The following VPS13B variants were observed in gnomAD, a reference collection of about 807,000 sequenced individuals.
VPS13B encodes vacuolar protein sorting 13 homolog B, also known as intermembrane lipid transfer protein VPS13B.
A neutral mutation model predicts 426.4 loss-of-function variants in VPS13B; 285 were observed. The observed-to-expected ratio is 0.67, with a 90% confidence interval of 0.61 to 0.74. VPS13B has a LOEUF of 0.74. VPS13B is among the 30% of genes least tolerant of loss of function. The pLI is 0.00. For synonymous variants in VPS13B, 1,676 were observed against 1,676.4 expected, an observed-to-expected ratio of 1.00 and a Z score of 0.01; for missense variants, 4,537 against 4,782.6, an observed-to-expected ratio of 0.95 and a Z score of 1.51.
intron 22 of VPS13B, among the ~76,000 whole-genome samples, chr8:99,438,295 C>T (rs1363198658): frequency 2.6e-5 from 4 of 152,118 alleles, no homozygotes; most frequent in African/African-American, 4.8e-5. Context: ...TAGAGCATGA[C>T]TAGTGATGAA....
rs773877336 is a variant in VPS13B at position 99,511,153 on chromosome 8, C to G, written c.4274C>G (p.Ser1425Cys). 1 of 1,613,850 alleles carries G rather than the reference C, an allele frequency of 6.2e-7. No individual in the cohort carries two copies. Among genetic ancestry groups the G allele is most frequent in the East Asian group, 2.2e-5 (1 of 44,854 alleles). ...DGTHQQHGFL[S>C]LTYTKAVTKN... ...ACTCATCAGCAGCATGGATTCCTCT[C>G]TCTGACATACACAAAAGCTGTAACA... Residue 1425 changes from serine to cysteine, a missense_variant, in exon 29 of 62, where the codon TCT becomes TGT. Physicochemically the swap from Ser to Cys is moderately radical, Grantham distance 112 (BLOSUM62 -1). Around this residue, in one of 2 missense-constraint regions of VPS13B, gnomAD observed 4,311 missense variants for 4,474.3 expected, o/e 0.96. Coordinates refer to ENST00000357162, the MANE Select transcript of VPS13B (RefSeq NM_152564.5).
rs527978703 is a variant in VPS13B at position 99,539,311 on chromosome 8, T to A, written c.4746-17139T>A. Among the ~76,000 whole-genome samples the A allele has an allele frequency of 2.0e-5, 3 of 152,338 alleles. No homozygotes were observed. In the South Asian group the frequency reaches 6.2e-4, roughly 32 times the overall value. On this transcript the variant is annotated intron_variant, in intron 30 of 61. Coordinates refer to ENST00000357162, the MANE Select transcript of VPS13B (RefSeq NM_152564.5). Reference sequence around the variant, plus strand: ...AATATAGATATACAACATGTATAATTCAAAAACATTAATATTTAATAAGAA... The same window carrying A: ...AATATAGATATACAACATGTATAATACAAAAACATTAATATTTAATAAGAA...
chr8:99,232,974 T>C, intron 17 of VPS13B: 1 of 701,412 alleles, frequency 1.4e-6, no homozygotes. Context: ...TCTGGCTGGC[T>C]GTGTTTGGTC....
chr8:99,420,160 T>C (rs1274856542), intron 21 of VPS13B, among the ~76,000 whole-genome samples: 1 of 152,184 alleles, frequency 6.6e-6, no homozygotes, highest in East Asian at 1.9e-4. Context: ...AAGAAGTGCT[T>C]ACTATGAAAA....
At chr8:99,802,267 G>C (rs1030029314) in intron 43 of VPS13B, among the ~76,000 whole-genome samples, 2 of 152,028 alleles carry the variant, frequency 1.3e-5, no homozygotes, top group African/African-American at 4.8e-5. Flanking sequence ...GCCAGACTCT[G>C]TGCTAGGAAT....
chr8:99,192,361 T>C (rs1008235436), intron 16 of VPS13B, among the ~76,000 whole-genome samples: 4 of 152,218 alleles, frequency 2.6e-5, no homozygotes, highest in African/African-American at 9.6e-5. Flanking sequence ...TCAGGTTGCC[T>C]GGATTTAAAT....
intron 17 of VPS13B, among the ~76,000 whole-genome samples, chr8:99,243,170 A>G (rs1425138545): frequency 6.6e-6 from 1 of 152,238 alleles, no homozygotes; most frequent in Non-Finnish European, 1.5e-5. Context: ...CTGACAAAAT[A>G]TACAATTACT....
At chr8:99,230,316 TGTA>T (rs1285321737) in intron 17 of VPS13B, among the ~76,000 whole-genome samples, 1 of 152,212 alleles carries the variant, frequency 6.6e-6, no homozygotes, top group African/African-American at 2.4e-5. Flanking sequence ...GGCTCTCTGT[TGTA>T]GTACAGGACA....
rs746341336 is a variant in VPS13B, at chr8:99,720,347, C to T, written c.6660C>T (p.Val2220=). ...SIDLRGGLLQ[V]FWGQEHLNCL... ...AGAATTTTTTTATGATTTTAAAGGTCTTCTGGGGTCAAGAACATTTGAATT... is the reference window on the plus strand; with the variant it reads ...AGAATTTTTTTATGATTTTAAAGGTTTTCTGGGGTCAAGAACATTTGAATT... Residue 2220 remains valine, a splice_region_variant and synonymous_variant, in exon 38 of 62, where the codon GTC becomes GTT. Transcript: ENST00000357162. The T allele has an allele frequency of 6.2e-7, 1 of 1,612,028 alleles. No individual in the cohort carries two copies. Among genetic ancestry groups the T allele is most frequent in the Non-Finnish European group, 8.5e-7 (1 of 1,179,606 alleles).
At chr8:99,128,393 A>C (rs1809559976) in intron 8 of VPS13B, among the ~76,000 whole-genome samples, 4 of 63,972 alleles carry the variant, frequency 6.3e-5, no homozygotes, top group African/African-American at 1.2e-4. Flanking sequence ...TCCCAAAAAA[A>C]AAAAAAAAAA....
At chr8:99,743,800 C>T (rs1267969278) in intron 39 of VPS13B, among the ~76,000 whole-genome samples, 1 of 152,158 alleles carries the variant, frequency 6.6e-6, no homozygotes, top group African/African-American at 2.4e-5. Context: ...TCAATCCCTT[C>T]CTTACACCTT....
intron 23 of VPS13B, among the ~76,000 whole-genome samples, chr8:99,447,202 C>G (rs1489098757): frequency 6.6e-6 from 1 of 152,090 alleles, no homozygotes; most frequent in African/African-American, 2.4e-5. Flanking sequence ...GAATTTACTT[C>G]CAACATGTTG....
At chr8:99,697,877 G>T in intron 35 of VPS13B, 7 of 528,110 alleles carry the variant, frequency 1.3e-5, no homozygotes, top group South Asian at 1.1e-4. Flanking sequence ...CAACATCAAT[G>T]ACCTCATCAA....
In VPS13B at chr8:99,818,475, A is replaced by G. The variant is rs368143021; in HGVS notation, c.8386A>G (p.Ile2796Val). Residue 2796 changes from isoleucine (I) to valine (V), a missense_variant, in exon 46 of 62, where the codon ATT becomes GTT. By Grantham distance (29) the Ile-to-Val change is conservative. Transcript: ENST00000357162. The part of the protein sequence containing the change: ...IQVPSSNSSI[I>V]YVWCTVLTLE... ...GGTGCCATCTTCAAACAGTTCCATT[A>G]TTTATGTCTGGTGCACAGTTTTGAC... 4.3e-6 allele frequency: 7 copies of G among 1,613,900 alleles called. No homozygotes were observed. The African/African-American group carries it at 9.3e-5, about 22-fold the overall frequency.
intron 19 of VPS13B, among the ~76,000 whole-genome samples, chr8:99,377,500 C>G (rs977163106): frequency 1.3e-5 from 2 of 152,142 alleles, no homozygotes; most frequent in African/African-American, 4.8e-5. Context: ...AACAATTTGT[C>G]ATTTCTGTGA....
At chr8:99,724,554 C>A (rs760617141) in intron 39 of VPS13B, among the ~76,000 whole-genome samples, 68 of 152,192 alleles carry the variant, frequency 4.5e-4, no homozygotes, top group Non-Finnish European at 1.3e-4. Context: ...AACTACTGAT[C>A]TTTTTGAGCT....
intron 21 of VPS13B, among the ~76,000 whole-genome samples, chr8:99,413,913 G>A (rs1815836764): frequency 6.6e-6 from 1 of 152,166 alleles, no homozygotes; most frequent in Non-Finnish European, 1.5e-5. Flanking sequence ...GTTGATTTGG[G>A]GTGGAGAGTT....
chr8:99,096,374 A>G lies in VPS13B; in HGVS notation c.354A>G (p.Ser118=). 6.2e-7 allele frequency: 1 copy of G among 1,614,178 alleles called. No homozygotes were observed. The highest frequency in any genetic ancestry group is 8.5e-7 in the Non-Finnish European group (1 of 1,179,996). Residue 118 remains serine, a synonymous_variant, in exon 4 of 62, where the codon TCA becomes TCG. Coordinates refer to ENST00000357162, the MANE Select transcript of VPS13B (RefSeq NM_152564.5). The part of the protein sequence containing the change: ...TNRSTAESTK[S]SIKPRRMQQA... ...GTAGTACTGCTGAGAGCACAAAATC[A>G]TCAATCAAACCGCGGAGAATGCAGC...
At chr8:99,758,317 C>T (rs1243461789) in intron 39 of VPS13B, among the ~76,000 whole-genome samples, 1 of 152,046 alleles carries the variant, frequency 6.6e-6, no homozygotes, top group African/African-American at 2.4e-5. Context: ...AACTGAAAGA[C>T]AAGAGAGGAT....
Sources: allele counts gnomAD v4.1 joint callset (sites outside exome capture counted in the v4.1 genomes callset), GRCh38; gene constraint gnomAD v4.1.1; regional missense constraint gnomAD v4.1.1; transcripts MANE v1.5; gene names NCBI Gene and HGNC (gene_info 2026-07-23, HGNC 2026-07-21).